Variants in MYO7B observed in about 807,000 individuals in gnomAD.
MYO7B encodes the protein unconventional myosin-VIIb.
In MYO7B, 212 loss-of-function variants were observed where a neutral mutation model predicts 259.7. That is an observed-to-expected ratio of 0.82 (90% confidence interval 0.73 to 0.91). The LOEUF is 0.91. Among genes scored for constraint, MYO7B ranks in the 40% least tolerant of loss-of-function variants. MYO7B has a pLI of 0.00. For missense variants in MYO7B, 2,732 were observed against 2,813.5 expected (o/e 0.97, Z 0.66); for synonymous variants, 1,197 against 1,166.4 (o/e 1.03, Z -0.54).
At chr2:127,543,830 C>T (rs1225051294) in intron 1 of MYO7B, among the ~76,000 whole-genome samples, 13 of 151,550 alleles carry the variant, frequency 8.6e-5, no homozygotes, top group Admixed American at 3.9e-4. Context: ...CCGCAAGCTC[C>T]CCCTGCCGGG....
intron 1 of MYO7B, among the ~76,000 whole-genome samples, chr2:127,543,079 A>G (rs990423473): frequency 2.0e-5 from 3 of 152,184 alleles, no homozygotes; most frequent in Non-Finnish European, 4.4e-5. Context: ...TCTCAACTGC[A>G]AAGAGGCGTT....
At position 127,629,675 on chromosome 2, in the gene MYO7B, G is replaced by A. The variant is rs1681355138; in HGVS notation, c.4655G>A (p.Gly1552Glu). 1 of 1,612,372 alleles carries A rather than the reference G, an allele frequency of 6.2e-7. No homozygotes were observed. Among genetic ancestry groups the A allele is most frequent in the Admixed American group, 1.7e-5 (1 of 59,920 alleles). The change falls in exon 35 of 48, where the codon GGG becomes GAG. Residue 1552 changes from glycine to glutamate, a missense_variant. Transcript: ENST00000409816. Reference protein sequence around the residue: ...DDTTLLAFKKGDLLVLTKKQG... With the variant: ...DDTTLLAFKKEDLLVLTKKQG... ...ACCACCCTCCTGGCCTTCAAGAAGGGGGACCTGTTGGTCCTCACAAAGAAG... is the reference window on the plus strand; with the variant it reads ...ACCACCCTCCTGGCCTTCAAGAAGGAGGACCTGTTGGTCCTCACAAAGAAG...
In MYO7B at chr2:127,636,398, CA is replaced by C; in HGVS notation, c.6123+76del. 3 of 1,483,814 alleles carry C rather than the reference CA, an allele frequency of 2.0e-6. No homozygotes were observed. The highest frequency in any genetic ancestry group is 2.8e-6 in the Non-Finnish European group (3 of 1,067,860). 91.9% of individuals were successfully genotyped at this position (1,483,814 alleles called of 1,614,324 possible). A position where few individuals can be genotyped will look rare whatever the true frequency, so the allele number is the denominator to read the frequency against. ...AGCCCAGCCCCAGCAGGCCCAGCGT[CA>C]ACCAGCACACATCTTGGGTGGGGCT... On this transcript the variant is annotated intron_variant, in intron 45 of 47. Coordinates refer to ENST00000409816, the MANE Select transcript of MYO7B (RefSeq NM_001393586.1). This position sits in a 1 kb window ranked among gnomAD's most constrained non-coding sequence, Gnocchi z 4.5.
At position 127,629,637 on chromosome 2, in the gene MYO7B, C is replaced by A. The variant is rs772773061; in HGVS notation, c.4625-8C>A. 1 of 1,610,512 alleles carries A rather than the reference C, an allele frequency of 6.2e-7. No individual in the cohort carries two copies. Among genetic ancestry groups the A allele is most frequent in the South Asian group, 1.1e-5 (1 of 90,628 alleles). On this transcript the variant is annotated splice_polypyrimidine_tract_variant and splice_region_variant and intron_variant, in intron 34 of 47. Transcript: ENST00000409816. Reference sequence around the variant, plus strand: ...AGCCCTCAGCAAATAGCCTCCCTGCCCTTACAGATGACACCACCCTCCTGG... The same window carrying A: ...AGCCCTCAGCAAATAGCCTCCCTGCACTTACAGATGACACCACCCTCCTGG...
At chr2:127,594,616 T>C (rs1219516877) in intron 18 of MYO7B, among the ~76,000 whole-genome samples, 2 of 152,348 alleles carry the variant, frequency 1.3e-5, no homozygotes, top group African/African-American at 4.8e-5. Context: ...TTGTCATAAA[T>C]GGCTCTTATT....
rs1558838543 is a variant in MYO7B at position 127,617,491 on chromosome 2, T to TTTTTTTG, written c.3399-2843_3399-2842insGTTTTTT. Reference sequence around the variant, plus strand: ...TGCCAGCAGACTTGTAACGGGGTTTTTTTTTTTTTTTTTTTTTTTTTTGAG... The same window carrying TTTTTTTG: ...TGCCAGCAGACTTGTAACGGGGTTTTTTTTTTGTTTTTTTTTTTTTTTTTTTTTTGAG... On this transcript the variant is annotated intron_variant, in intron 26 of 47. Coordinates refer to ENST00000409816, the MANE Select transcript of MYO7B (RefSeq NM_001393586.1). Among the ~76,000 whole-genome samples, 40 of 122,816 alleles carry TTTTTTTG rather than the reference T, an allele frequency of 3.3e-4. 1 individual carries two copies. The South Asian group carries it at 9.6e-3, about 30-fold the overall frequency. The allele number at this position is 122,816 out of a possible 152,430, so 80.6% of individuals were successfully genotyped here.
intron 1 of MYO7B, among the ~76,000 whole-genome samples, chr2:127,555,940 A>G (rs998915420): frequency 6.6e-6 from 1 of 152,106 alleles, no homozygotes; most frequent in African/African-American, 2.4e-5. Flanking sequence ...GTTTAAATCC[A>G]TTGTTTTTTT....
At chr2:127,592,034 T>C (rs1679577394) in intron 16 of MYO7B, among the ~76,000 whole-genome samples, 1 of 152,346 alleles carries the variant, frequency 6.6e-6, no homozygotes, top group Middle Eastern at 3.4e-3. Flanking sequence ...GGAGGCACCA[T>C]GAAACTGCAA....
chr2:127,601,031 A>G (rs915501037), intron 19 of MYO7B, among the ~76,000 whole-genome samples: 1 of 152,210 alleles, frequency 6.6e-6, no homozygotes, highest in Non-Finnish European at 1.5e-5. Context: ...ATTCAATTTC[A>G]TTCACTTTCA....
Position 127,576,582 on chromosome 2 carries a change from C to A in MYO7B, c.736-13C>A. 1.2e-5 allele frequency: 18 copies of A among 1,474,922 alleles called. No homozygotes were observed. The highest frequency in any genetic ancestry group is 1.6e-5 in the Non-Finnish European group (17 of 1,062,566). 91.4% of individuals were successfully genotyped at this position (1,474,922 alleles called of 1,614,324 possible). ...CTCATGAATCTGTCTGGAATGCCCT[C>A]CCTCCCTCCCAGGCTCCCGAGGAGC... On this transcript the variant is annotated splice_polypyrimidine_tract_variant and intron_variant, in intron 7 of 47. Transcript: ENST00000409816. The surrounding 1 kb of genome is among the most constrained non-coding windows in gnomAD (Gnocchi z 4.9).
chr2:127,625,936 C>T lies in MYO7B; in HGVS notation c.4215+401C>T, dbSNP rs112473531. 2.7e-3 allele frequency: 538 copies of T among 199,170 alleles called. 6 individuals carry two copies. Among genetic ancestry groups the T allele is most frequent in the African/African-American group, 0.011 (487 of 43,470 alleles). 12.3% of individuals were successfully genotyped at this position (199,170 alleles called of 1,614,324 possible). On this transcript the variant is annotated intron_variant, in intron 31 of 47. Transcript: ENST00000409816. ...CCTCGCTGGGTGCATGGGAACCCCC[C>T]AGGCCAGAGTGTATGGACATTCTAA...
chr2:127,628,625 C>A lies in MYO7B; in HGVS notation c.4624+90C>A. 2 of 1,327,346 alleles carry A rather than the reference C, an allele frequency of 1.5e-6. No homozygotes were observed. Among genetic ancestry groups the A allele is most frequent in the Non-Finnish European group, 2.0e-6 (2 of 976,664 alleles). The allele number at this position is 1,327,346 out of a possible 1,614,324, so 82.2% of individuals were successfully genotyped here. On this transcript the variant is annotated intron_variant, in intron 34 of 47. Coordinates refer to ENST00000409816, the MANE Select transcript of MYO7B (RefSeq NM_001393586.1). The surrounding 1 kb of genome is among the most constrained non-coding windows in gnomAD (Gnocchi z 4.8). Reference sequence around the variant, plus strand: ...TAGGTAGGTGGCATGCTCATCTCCACACAGCAGCCACAAGGCAAGCAGAGG... The same window carrying A: ...TAGGTAGGTGGCATGCTCATCTCCAAACAGCAGCCACAAGGCAAGCAGAGG...
rs1268907683 is a variant in MYO7B, at chr2:127,539,864, T to C, written c.-24+4033T>C. Reference sequence around the variant, plus strand: ...TTCCCCCGAAAGTCCCCAAAGTCCATTGTATCGTTCTTACGCCTTTGCAGC... The same window carrying C: ...TTCCCCCGAAAGTCCCCAAAGTCCACTGTATCGTTCTTACGCCTTTGCAGC... On this transcript the variant is annotated intron_variant, in intron 1 of 47. Transcript: ENST00000409816. This position sits in a 1 kb window ranked among gnomAD's most constrained non-coding sequence, Gnocchi z 4.0. Among the ~76,000 whole-genome samples the C allele has an allele frequency of 6.6e-6, 1 of 152,206 alleles. No homozygotes were observed. Among genetic ancestry groups the C allele is most frequent in the Admixed American group, 6.5e-5 (1 of 15,288 alleles).
intron 6 of MYO7B, among the ~76,000 whole-genome samples, chr2:127,572,992 GC>G (rs1553448750): frequency 1.3e-5 from 2 of 151,012 alleles, no homozygotes; most frequent in Admixed American, 6.6e-5. Context: ...CCAACCAGTC[GC>G]CCCCATGATG....
At position 127,588,438 on chromosome 2, in the gene MYO7B, C is replaced by T. The variant is rs776208202; in HGVS notation, c.1737C>T (p.Thr579=). The change falls in exon 15 of 48, where the codon ACC becomes ACT. Residue 579 remains threonine, a synonymous_variant. Coordinates refer to ENST00000409816, the MANE Select transcript of MYO7B (RefSeq NM_001393586.1). The part of the protein sequence containing the change: ...NRDVLSTDIL[T]LVYSSKNKFL... ...ACGTGCTGAGCACAGATATCCTCAC[C>T]CTGGTTTACTCCTCCAAAAACAAGT... The T allele has an allele frequency of 6.2e-7, 1 of 1,613,186 alleles. No individual in the cohort carries two copies. The highest frequency in any genetic ancestry group is 8.5e-7 in the Non-Finnish European group (1 of 1,179,858).
Position 127,625,657 on chromosome 2 carries a change from GC to G in MYO7B, c.4215+124del. The G allele has an allele frequency of 2.6e-6, 3 of 1,144,168 alleles. No homozygotes were observed. In the South Asian group the frequency reaches 5.8e-5, roughly 22 times the overall value. The allele number at this position is 1,144,168 out of a possible 1,614,324, so 70.9% of individuals were successfully genotyped here. On this transcript the variant is annotated intron_variant, in intron 31 of 47. Coordinates refer to ENST00000409816, the MANE Select transcript of MYO7B (RefSeq NM_001393586.1). ...ACCCCCACCCCCTGGGGAACAACAA[GC>G]CTCAGCTTGACAGTTAAGTAGAGCC...
At position 127,593,540 on chromosome 2, in the gene MYO7B, T is replaced by G. The variant is rs185643585; in HGVS notation, c.2146-6T>G. 1.2e-6 allele frequency: 2 copies of G among 1,612,536 alleles called. No homozygotes were observed. The highest frequency in any genetic ancestry group is 1.7e-6 in the Non-Finnish European group (2 of 1,179,232). On this transcript the variant is annotated splice_region_variant and splice_polypyrimidine_tract_variant and intron_variant, in intron 17 of 47. Coordinates refer to ENST00000409816, the MANE Select transcript of MYO7B (RefSeq NM_001393586.1). Reference sequence around the variant, plus strand: ...TCCCACCGATACCCCCGTTTGGTCTTGGCAGCTGCAAGGCAAGCTCCGCCA... The same window carrying G: ...TCCCACCGATACCCCCGTTTGGTCTGGGCAGCTGCAAGGCAAGCTCCGCCA...
Position 127,635,127 on chromosome 2 carries a change from C to T in MYO7B, c.5721C>T (p.Pro1907=), listed in dbSNP as rs752276856. 6.8e-6 allele frequency: 11 copies of T among 1,612,116 alleles called. No individual in the cohort carries two copies. Among genetic ancestry groups the T allele is most frequent in the African/African-American group, 1.3e-5 (1 of 74,992 alleles). The change falls in exon 43 of 48, where the codon CCC becomes CCT. Residue 1907 remains proline, a synonymous_variant. Coordinates refer to ENST00000409816, the MANE Select transcript of MYO7B (RefSeq NM_001393586.1). ...CTGCTGGCCCTCGCCCAGGGGCCCC[C>T]GTGACGCTCCCCTACCAGGTGTACT... ...KKNKPQKEGA[P]VTLPYQVYFM...
At chr2:127,596,372 A>G in intron 18 of MYO7B, 90 bp from the exon 19 acceptor site, 1 of 1,064,080 alleles carries the variant, frequency 9.4e-7, no homozygotes, top group South Asian at 1.3e-5. Flanking sequence ...AGCCTGAGAG[A>G]TGCTACCTTC....
Sources: allele counts gnomAD v4.1 joint callset (sites outside exome capture counted in the v4.1 genomes callset), GRCh38; gene constraint gnomAD v4.1.1; non-coding constraint Gnocchi (gnomAD v3.1); transcripts MANE v1.5; gene names NCBI Gene and HGNC (gene_info 2026-07-23, HGNC 2026-07-21).